CCDC178: variants seen among roughly 807,000 people sequenced by gnomAD.
The protein encoded by CCDC178 is coiled-coil domain containing 178.
CCDC178 carries 126 observed loss-of-function variants against 117.4 expected under a neutral mutation model. The ratio of observed to expected loss-of-function variants is 1.07; its 90% CI spans 0.93 to 1.24. CCDC178 has a LOEUF of 1.24. CCDC178 is among the 50% of genes most tolerant of loss of function. The pLI, the probability that CCDC178 is intolerant of heterozygous loss-of-function variation, is 0.00. For missense variants in CCDC178, 1,030 were observed against 986.9 expected (o/e 1.04, Z -0.59); for synonymous variants, 283 against 313.4 (o/e 0.90, Z 1.02).
intron 4 of CCDC178, among the ~76,000 whole-genome samples, chr18:33,390,318 C>A (rs1322508835): frequency 1.3e-5 from 2 of 151,964 alleles, no homozygotes; most frequent in East Asian, 1.9e-4. Context: ...CTTAATGCAG[C>A]AACTCCAGTC....
intron 21 of CCDC178, among the ~76,000 whole-genome samples, chr18:33,027,993 T>C (rs985466131): frequency 1.9e-4 from 29 of 151,786 alleles, no homozygotes; most frequent in Admixed American, 1.7e-3. Context: ...ATTACATTTA[T>C]ACTTTTACAA....
chr18:33,170,554 C>T (rs934404442), intron 20 of CCDC178, among the ~76,000 whole-genome samples: 1 of 151,678 alleles, frequency 6.6e-6, no homozygotes, highest in African/African-American at 2.4e-5. Context: ...TGATATCAGC[C>T]GTGGGGTAAA....
At chr18:33,392,084 C>A (rs925948886) in intron 4 of CCDC178, among the ~76,000 whole-genome samples, 1 of 151,952 alleles carries the variant, frequency 6.6e-6, no homozygotes, top group African/African-American at 2.4e-5. Flanking sequence ...AGGCTGGTCT[C>A]GAACTCCTGA....
At chr18:33,089,906 T>TGTTA (rs3045718) in intron 21 of CCDC178, among the ~76,000 whole-genome samples, 21,605 of 152,144 alleles carry the variant, frequency 0.14, 2,364 homozygotes, top group African/African-American at 0.31. Flanking sequence ...GTATTTCTAG[T>TGTTA]GTTTTAATTT....
At chr18:33,242,659 G>T (rs2144682605) in intron 15 of CCDC178, among the ~76,000 whole-genome samples, 1 of 151,224 alleles carries the variant, frequency 6.6e-6, no homozygotes, top group African/African-American at 2.4e-5. Flanking sequence ...AAGAAAAAAA[G>T]TTCAACATTA....
intron 21 of CCDC178, among the ~76,000 whole-genome samples, chr18:32,996,366 C>G (rs2055508873): frequency 6.6e-6 from 1 of 151,658 alleles, no homozygotes; most frequent in South Asian, 2.1e-4. Context: ...ACAAAAAATG[C>G]TTAATGAGAG....
intron 14 of CCDC178, among the ~76,000 whole-genome samples, chr18:33,246,462 T>C (rs1018470496): frequency 2.0e-5 from 3 of 151,686 alleles, no homozygotes; most frequent in African/African-American, 7.3e-5. Context: ...ACAGAGAAGA[T>C]TGAATTAGTG....
chr18:32,978,386 T>C (rs531286038), intron 21 of CCDC178, among the ~76,000 whole-genome samples: 1 of 151,986 alleles, frequency 6.6e-6, no homozygotes, highest in South Asian at 2.1e-4. Context: ...TTCAAAAGAA[T>C]ATTTAAGGAA....
chr18:33,345,865 T>A (rs2062885255), intron 9 of CCDC178, among the ~76,000 whole-genome samples: 1 of 152,178 alleles, frequency 6.6e-6, no homozygotes, highest in Non-Finnish European at 1.5e-5. Context: ...ATTTATTTAT[T>A]TTTTGAGACA....
Position 33,267,242 on chromosome 18 carries a change from T to G in CCDC178, c.1232A>C (p.Glu411Ala). 6.2e-7 allele frequency: 1 copy of G among 1,604,318 alleles called. No individual in the cohort carries two copies. Among genetic ancestry groups the G allele is most frequent in the Non-Finnish European group, 8.5e-7 (1 of 1,177,042 alleles). The change falls in exon 13 of 23, where the codon GAA becomes GCA. Residue 411 changes from glutamate to alanine, a missense_variant. Coordinates refer to ENST00000383096, the MANE Select transcript of CCDC178 (RefSeq NM_001105528.4). Reference sequence around the variant, plus strand: ...ATTAACTGCTTCCAGATACTGATTTTCATGACTTTTTTGCTTCCAGGTTAG... The same window carrying G: ...ATTAACTGCTTCCAGATACTGATTTGCATGACTTTTTTGCTTCCAGGTTAG... ...DQLTWKQKSH[E>A]NQYLEAVNDF... is the part of the protein sequence containing the mutation.
intron 12 of CCDC178, among the ~76,000 whole-genome samples, chr18:33,279,463 A>G (rs1481300868): frequency 2.6e-5 from 4 of 152,232 alleles, no homozygotes; most frequent in South Asian, 4.1e-4. Flanking sequence ...GGATACAAAC[A>G]AATGGAAGAA....
At chr18:33,059,337 T>C (rs2056884073) in intron 21 of CCDC178, among the ~76,000 whole-genome samples, 1 of 152,170 alleles carries the variant, frequency 6.6e-6, no homozygotes, top group Non-Finnish European at 1.5e-5. Context: ...TATTCTAATA[T>C]GATATTGATA....
At chr18:32,968,379 C>G (rs574374779) in intron 22 of CCDC178, among the ~76,000 whole-genome samples, 1 of 151,804 alleles carries the variant, frequency 6.6e-6, no homozygotes, top group Non-Finnish European at 1.5e-5. Context: ...ATACTACATT[C>G]TCTTTATTCA....
At chr18:33,046,853 G>C (rs2056653287) in intron 21 of CCDC178, among the ~76,000 whole-genome samples, 1 of 151,998 alleles carries the variant, frequency 6.6e-6, no homozygotes, top group Non-Finnish European at 1.5e-5. Flanking sequence ...AATGAACAAA[G>C]GTAATTTAAA....
chr18:33,419,680 A>G (rs905929870), intron 2 of CCDC178, among the ~76,000 whole-genome samples: 7 of 152,244 alleles, frequency 4.6e-5, no homozygotes, highest in Admixed American at 2.0e-4. Flanking sequence ...AGGTATATCA[A>G]AAAATGCTCA....
rs566095102 is a variant in CCDC178 at position 33,029,414 on chromosome 18, G to A, written c.2389-54733C>T. Among the ~76,000 whole-genome samples the A allele has an allele frequency of 4.9e-4, 75 of 151,850 alleles. 1 individual carries two copies. The highest frequency in any genetic ancestry group is 1.7e-3 in the African/African-American group (72 of 41,506). ...CGTCTTTCTTATTTTATTGGTTATA[G>A]TTAAAGTTTTGTCAATTTTGTTGGT... On this transcript the variant is annotated intron_variant, in intron 21 of 22. Coordinates refer to ENST00000383096, the MANE Select transcript of CCDC178 (RefSeq NM_001105528.4).
At chr18:33,179,557 GTC>G (rs1051721174) in intron 20 of CCDC178, among the ~76,000 whole-genome samples, 6 of 151,980 alleles carry the variant, frequency 3.9e-5, no homozygotes, top group African/African-American at 1.4e-4. Flanking sequence ...GCAAACTAAT[GTC>G]TCTCTCTGTC....
intron 9 of CCDC178, among the ~76,000 whole-genome samples, chr18:33,335,166 T>C (rs2062722920): frequency 6.6e-6 from 1 of 151,838 alleles, no homozygotes; most frequent in Admixed American, 6.6e-5. Flanking sequence ...CCTTCTTTCT[T>C]TGTATTTATT....
chr18:33,111,720 G>A (rs1233767888), intron 20 of CCDC178, among the ~76,000 whole-genome samples: 1 of 151,694 alleles, frequency 6.6e-6, no homozygotes, highest in Non-Finnish European at 1.5e-5. Flanking sequence ...TGTACTAGCT[G>A]TGTGTTACTG....
Sources: gnomAD v4.1 joint callset for allele counts (sites outside exome capture counted in the v4.1 genomes callset) on GRCh38, gnomAD v4.1.1 for gene constraint, MANE v1.5 for transcripts, NCBI Gene and HGNC (gene_info 2026-07-23, HGNC 2026-07-21) for gene names.